The following LRP2 variants were observed in gnomAD, a reference collection of about 807,000 sequenced individuals.
LRP2 encodes the protein LDL receptor related protein 2.
In LRP2, 172 loss-of-function variants were observed where a neutral mutation model predicts 531.0. That is an observed-to-expected ratio of 0.32 (90% CI 0.29 to 0.37). LRP2 has a LOEUF of 0.37. LRP2 is among the 10% of genes least tolerant of loss of function. The pLI, the probability that LRP2 is intolerant of heterozygous loss-of-function variation, is 1.00. For synonymous variants in LRP2, 1,992 were observed against 2,027.6 expected, an observed-to-expected ratio of 0.98 and a Z score of 0.47; for missense variants, 5,167 against 5,868.3, an observed-to-expected ratio of 0.88 and a Z score of 3.90.
At chr2:169,308,136 T>C (rs555975799) in intron 3 of LRP2, among the ~76,000 whole-genome samples, 10 of 152,270 alleles carry the variant, frequency 6.6e-5, no homozygotes, top group South Asian at 4.2e-4. Context: ...GAAAACGTGA[T>C]CATCTAAAAA....
At chr2:169,314,826 G>A (rs1271411555) in intron 3 of LRP2, among the ~76,000 whole-genome samples, 1 of 152,188 alleles carries the variant, frequency 6.6e-6, no homozygotes, top group Non-Finnish European at 1.5e-5. Context: ...TCTGAAAAAG[G>A]TTAAAGAGAT....
intron 38 of LRP2, among the ~76,000 whole-genome samples, chr2:169,208,354 C>G (rs1395109109): frequency 6.6e-6 from 1 of 152,126 alleles, no homozygotes; most frequent in Admixed American, 6.6e-5. Flanking sequence ...AGTTAGGAAC[C>G]CAATTAAAGC....
intron 50 of LRP2, among the ~76,000 whole-genome samples, chr2:169,183,818 T>C (rs890071035): frequency 2.7e-4 from 41 of 152,336 alleles, no homozygotes; most frequent in Middle Eastern, 6.8e-3. Context: ...AACACCCTAA[T>C]GCTGACAGCA....
chr2:169,200,111 C>T (rs1450651573), intron 44 of LRP2, among the ~76,000 whole-genome samples: 1 of 152,034 alleles, frequency 6.6e-6, no homozygotes, highest in African/African-American at 2.4e-5. Flanking sequence ...ATTAGCCAGG[C>T]ATGGTGGCGG....
chr2:169,320,930 T>A (rs1330076732), intron 1 of LRP2, 46 bp from the exon 2 acceptor site: 1 of 1,293,850 alleles, frequency 7.7e-7, no homozygotes, highest in Non-Finnish European at 1.1e-6. Flanking sequence ...CATGCAGATA[T>A]TTAACCGAAG....
At chr2:169,131,888 C>T (rs1685303989) in intron 77 of LRP2, among the ~76,000 whole-genome samples, 1 of 152,220 alleles carries the variant, frequency 6.6e-6, no homozygotes, top group Non-Finnish European at 1.5e-5. Flanking sequence ...TAATGATATA[C>T]ATTAATACAG....
chr2:169,172,081 T>A lies in LRP2; in HGVS notation c.11197A>T (p.Ile3733Phe). ...CCATCACACTGCCAACGAAGAGGGA[T>A]GCAGTGGTGATTTTTACAGCGGAAA... The part of the protein sequence containing the change: ...GDFRCKNHHC[I>F]PLRWQCDGQN... The change falls in exon 58 of 79, where the codon ATC becomes TTC. Residue 3733 changes from isoleucine to phenylalanine, a missense_variant. Transcript: ENST00000649046. 9.3e-6 allele frequency: 15 copies of A among 1,614,214 alleles called. No homozygotes were observed. The highest frequency in any genetic ancestry group is 1.3e-5 in the Non-Finnish European group (15 of 1,180,016).
intron 50 of LRP2, among the ~76,000 whole-genome samples, chr2:169,184,560 G>T (rs1027426901): frequency 4.6e-5 from 7 of 152,180 alleles, no homozygotes; most frequent in Non-Finnish European, 8.8e-5. Flanking sequence ...ATGCTGCCAA[G>T]AATCCGATAG....
chr2:169,128,776 G>A lies in LRP2; in HGVS notation c.13855C>T (p.Leu4619Phe), dbSNP rs749765184. ...VAATPPPSPS[L>F]PAKPKPPSRR... is the part of the protein sequence containing the mutation. ...GAAGGAGGCTTAGGCTTAGCAGGGA[G>A]CGAAGGTGATGGAGGTGGTGTCGCA... The change falls in exon 79 of 79, where the codon CTC (leucine) becomes TTC (phenylalanine). Residue 4619 changes from leucine (L) to phenylalanine (F), a missense_variant. This residue lies in a region of LRP2 where 348 missense variants were observed against 369.3 expected (regional missense o/e 0.94). Transcript: ENST00000649046. 14 of 1,614,124 alleles carry A rather than the reference G, an allele frequency of 8.7e-6. No homozygotes were observed. The highest frequency in any genetic ancestry group is 8.3e-5 in the Admixed American group (5 of 60,006).
intron 33 of LRP2, among the ~76,000 whole-genome samples, chr2:169,224,545 A>G (rs1689131970): frequency 6.6e-6 from 1 of 152,220 alleles, no homozygotes; most frequent in South Asian, 2.1e-4. Context: ...GGAGCCATAG[A>G]AAGATTTCCA....
chr2:169,296,624 C>A (rs1345226891), intron 4 of LRP2, among the ~76,000 whole-genome samples: 2 of 152,000 alleles, frequency 1.3e-5, no homozygotes, highest in Non-Finnish European at 2.9e-5. Context: ...GATAAGCTAT[C>A]TGTCTGGAGG....
chr2:169,273,842 G>A (rs1016280592), intron 14 of LRP2, among the ~76,000 whole-genome samples: 1 of 152,196 alleles, frequency 6.6e-6, no homozygotes, highest in Admixed American at 6.5e-5. Context: ...ATAGTAATTT[G>A]AGTGATCACA....
chr2:169,257,785 G>C (rs1690364056), intron 17 of LRP2, among the ~76,000 whole-genome samples: 1 of 145,094 alleles, frequency 6.9e-6, no homozygotes, highest in Non-Finnish European at 1.5e-5. Context: ...ATTCTAAAGA[G>C]TGGGAAAAAG....
Position 169,207,098 on chromosome 2 carries a change from C to T in LRP2, c.6622G>A (p.Asp2208Asn). The change falls in exon 39 of 79, where the codon GAC becomes AAC. Residue 2208 changes from aspartate (D) to asparagine (N), a missense_variant. Around this residue, in one of 6 missense-constraint regions of LRP2, gnomAD observed 2,811 missense variants for 3,058.0 expected, o/e 0.92. Transcript: ENST00000649046. ...TCAATCTTTGGTCTCTGCCCATAGT[C>T]AGCCCAGAAGAGGTATCTGTTCTTG... ...DPKNRYLFWADYGQRPKIERS... is the reference protein window; with the variant it reads ...DPKNRYLFWANYGQRPKIERS... 6.2e-7 allele frequency: 1 copy of T among 1,612,872 alleles called. No individual in the cohort carries two copies. Among genetic ancestry groups the T allele is most frequent in the South Asian group, 1.1e-5 (1 of 90,902 alleles).
intron 34 of LRP2, among the ~76,000 whole-genome samples, chr2:169,218,359 T>C (rs936653015): frequency 7.9e-5 from 12 of 152,112 alleles, no homozygotes; most frequent in Non-Finnish European, 1.2e-4. Flanking sequence ...TAGGTATGCT[T>C]TAAGATCCAG....
In LRP2 at chr2:169,156,539, A is replaced by G. The variant is rs1485743873; in HGVS notation, c.12020-134T>C. 25 of 980,052 alleles carry G rather than the reference A, an allele frequency of 2.6e-5. No homozygotes were observed. The Admixed American group carries it at 4.3e-4, about 17-fold the overall frequency. 60.7% of individuals were successfully genotyped at this position (980,052 alleles called of 1,614,324 possible). On this transcript the variant is annotated intron_variant, in intron 64 of 78. Transcript: ENST00000649046. ...CAGATGAAAATAAGCAATGATACAA[A>G]CATTTGTGAAACACTAAGTTTCAGA... is the stretch of plus-strand genomic sequence containing the variant.
chr2:169,136,170 G>C (rs367578575), intron 76 of LRP2, among the ~76,000 whole-genome samples: 1 of 151,928 alleles, frequency 6.6e-6, no homozygotes. Flanking sequence ...CACGACAAAT[G>C]TTTCTTCTAA....
intron 67 of LRP2, among the ~76,000 whole-genome samples, chr2:169,151,339 C>T (rs975227972): frequency 5.3e-5 from 8 of 152,040 alleles, no homozygotes; most frequent in Admixed American, 2.6e-4. Context: ...TCTGTTTTAA[C>T]TACAAGCCTG....
chr2:169,204,398 T>C (rs1281871907), intron 41 of LRP2, 127 bp from the exon 42 acceptor site: 34 of 861,034 alleles, frequency 3.9e-5, no homozygotes, highest in Non-Finnish European at 6.0e-5. Flanking sequence ...AAATGGGGCA[T>C]ATGGCAGCTG....
Sources: gnomAD v4.1 joint callset for allele counts (sites outside exome capture counted in the v4.1 genomes callset) on GRCh38, gnomAD v4.1.1 for gene constraint, gnomAD v4.1.1 regional missense constraint, MANE v1.5 for transcripts, NCBI Gene and HGNC (gene_info 2026-07-23, HGNC 2026-07-21) for gene names.